PCDHGA1: variants seen among roughly 807,000 people sequenced by gnomAD.
The protein encoded by PCDHGA1 is protocadherin gamma subfamily A, 1.
In PCDHGA1, 32 loss-of-function variants were observed where a neutral mutation model predicts 58.0. That is an observed-to-expected ratio of 0.55 (90% CI 0.42 to 0.74). The LOEUF (loss-of-function observed/expected upper bound fraction) is 0.74, where lower values mean the gene tolerates loss of function less well. Among genes scored for constraint, PCDHGA1 ranks in the 30% least tolerant of loss-of-function variants. PCDHGA1 has a pLI of 0.00. For synonymous variants in PCDHGA1, 498 were observed against 501.1 expected, an observed-to-expected ratio of 0.99 and a Z score of 0.08; for missense variants, 1,205 against 1,182.3, an observed-to-expected ratio of 1.02 and a Z score of -0.28.
chr5:141,497,110 C>T (rs964183820), intron 2 of PCDHGA1, among the ~76,000 whole-genome samples: 2 of 151,738 alleles, frequency 1.3e-5, no homozygotes, highest in African/African-American at 2.4e-5. Context: ...TGCTTGAACC[C>T]GGAAGGCAGA....
chr5:141,467,781 C>T (rs2099151581), intron 1 of PCDHGA1, among the ~76,000 whole-genome samples: 1 of 152,228 alleles, frequency 6.6e-6, no homozygotes, highest in South Asian at 2.1e-4. Context: ...ACCTCAGCCT[C>T]TCAAGTAGCT....
chr5:141,444,152 A>AT (rs747671382), intron 1 of PCDHGA1, among the ~76,000 whole-genome samples: 1,130 of 33,890 alleles, frequency 0.033, 460 homozygotes, highest in Non-Finnish European at 0.038. Flanking sequence ...TGTGTACTGG[A>AT]TTTTTTTTTT....
intron 1 of PCDHGA1, chr5:141,351,073 T>C: frequency 6.2e-7 from 1 of 1,614,078 alleles, no homozygotes; most frequent in Admixed American, 1.7e-5. Context: ...AGGGCATTAA[T>C]GCAGAGATCA....
intron 1 of PCDHGA1, among the ~76,000 whole-genome samples, chr5:141,435,219 C>A (rs1226171884): frequency 6.6e-6 from 1 of 152,118 alleles, no homozygotes; most frequent in Non-Finnish European, 1.5e-5. Flanking sequence ...AATTTACTTT[C>A]TTTCAAAGTT....
At chr5:141,452,193 GT>G (rs1375451557) in intron 1 of PCDHGA1, among the ~76,000 whole-genome samples, 1 of 151,990 alleles carries the variant, frequency 6.6e-6, no homozygotes, top group Non-Finnish European at 1.5e-5. Context: ...ACCTCAAATT[GT>G]TTTAGATGTT....
chr5:141,504,752 A>G (rs1194764381), intron 2 of PCDHGA1, among the ~76,000 whole-genome samples: 23 of 151,894 alleles, frequency 1.5e-4, no homozygotes, highest in Non-Finnish European at 3.2e-4. Flanking sequence ...TGAATTTTAG[A>G]AATTTCTTCT....
chr5:141,347,980 G>A (rs1251130794), intron 1 of PCDHGA1, among the ~76,000 whole-genome samples: 1 of 152,184 alleles, frequency 6.6e-6, no homozygotes, highest in Admixed American at 6.5e-5. Context: ...TCAAAAACAT[G>A]TAAAGGAATA....
chr5:141,430,882 A>G, intron 1 of PCDHGA1: 3 of 1,601,068 alleles, frequency 1.9e-6, no homozygotes, highest in Non-Finnish European at 2.6e-6. Context: ...AGCTGGAGAA[A>G]GGCTCTAGGG....
chr5:141,385,588 A>G (rs1290476871), intron 1 of PCDHGA1: 11 of 1,258,860 alleles, frequency 8.7e-6, no homozygotes, highest in East Asian at 3.3e-5. Context: ...CTATGTTCCA[A>G]CCTACTTTCT....
At chr5:141,423,076 C>A in intron 1 of PCDHGA1, 1 of 1,614,128 alleles carries the variant, frequency 6.2e-7, no homozygotes, top group Non-Finnish European at 8.5e-7. Context: ...CGAGCCGGGA[C>A]TCTTCGCGGT....
At position 141,332,390 on chromosome 5, in the gene PCDHGA1, C is replaced by A. The variant is rs765966716; in HGVS notation, c.1706C>A (p.Thr569Lys). Residue 569 changes from threonine to lysine, a missense_variant, in exon 1 of 4, where the codon ACA becomes AAA. Thr to Lys is a moderately conservative substitution (Grantham distance 78). Coordinates refer to ENST00000517417, the MANE Select transcript of PCDHGA1 (RefSeq NM_018912.3). The surrounding 1 kb of genome is among the most constrained non-coding windows in gnomAD (Gnocchi z 4.6). ...GAGATCCTGTACCCCGCCCTCCCCA[C>A]AGATGGTTCTACCGGCGTGGAGCTG... ...APEILYPALP[T>K]DGSTGVELAP... The A allele has an allele frequency of 8.9e-5, 144 of 1,614,128 alleles. No individual in the cohort carries two copies. The highest frequency in any genetic ancestry group is 1.2e-4 in the Non-Finnish European group (137 of 1,180,058).
chr5:141,417,034 T>C (rs1408752235), intron 1 of PCDHGA1: 1 of 151,548 alleles, frequency 6.6e-6, no homozygotes, highest in Non-Finnish European at 1.5e-5. Context: ...ACAGGTTTTT[T>C]TTTTAAAAAA....
In PCDHGA1 at chr5:141,394,790, G is replaced by A. The variant is rs776824024; in HGVS notation, c.2421+61685G>A. The A allele has an allele frequency of 2.4e-5, 39 of 1,613,718 alleles. No homozygotes were observed. The African/African-American group carries it at 3.2e-4, about 13-fold the overall frequency. ...AGCCCCCTCTCTCCGCCACTGTCAC[G>A]CTCACCGTAGCCGTGGCTGACAGCA... On this transcript the variant is annotated intron_variant, in intron 1 of 3. Transcript: ENST00000517417.
Position 141,487,622 on chromosome 5 carries a change from C to A in PCDHGA1, c.2422-7185C>A. 1 of 1,614,174 alleles carries A rather than the reference C, an allele frequency of 6.2e-7. No homozygotes were observed. Among genetic ancestry groups the A allele is most frequent in the Non-Finnish European group, 8.5e-7 (1 of 1,180,030 alleles). ...TCTTCTCTATGGGCTAGAGGTGAGACCTTTGCAGGCTCAACAAATGCTTGA... is the reference window on the plus strand; with the variant it reads ...TCTTCTCTATGGGCTAGAGGTGAGAACTTTGCAGGCTCAACAAATGCTTGA... On this transcript the variant is annotated intron_variant, in intron 1 of 3. Transcript: ENST00000517417. The surrounding 1 kb of genome is among the most constrained non-coding windows in gnomAD (Gnocchi z 5.0).
chr5:141,344,131 A>G, intron 1 of PCDHGA1: 2 of 1,613,974 alleles, frequency 1.2e-6, no homozygotes, highest in Non-Finnish European at 1.7e-6. Flanking sequence ...CAGATCCGCT[A>G]CTCGGTGTCT....
intron 1 of PCDHGA1, among the ~76,000 whole-genome samples, chr5:141,438,396 A>T (rs1026490705): frequency 6.6e-6 from 1 of 150,930 alleles, no homozygotes. Context: ...TTCATCATTA[A>T]CTCTCTGAAG....
chr5:141,472,865 A>G (rs1329594490), intron 1 of PCDHGA1, among the ~76,000 whole-genome samples: 3 of 149,558 alleles, frequency 2.0e-5, no homozygotes, highest in Non-Finnish European at 4.5e-5. Flanking sequence ...ACATGCCTGT[A>G]TTCCCAGCTA....
At chr5:141,407,621 T>C (rs993791058) in intron 1 of PCDHGA1, among the ~76,000 whole-genome samples, 1 of 152,202 alleles carries the variant, frequency 6.6e-6, no homozygotes, top group African/African-American at 2.4e-5. Flanking sequence ...GTTGACATTC[T>C]ATATCTCGTA....
intron 1 of PCDHGA1, chr5:141,340,295 G>A (rs751254595): frequency 1.2e-6 from 2 of 1,614,014 alleles, no homozygotes; most frequent in Non-Finnish European, 1.7e-6. Context: ...TTTGCTCCAG[G>A]TGGCAGACAT....
Sources: gnomAD v4.1 joint callset for allele counts (sites outside exome capture counted in the v4.1 genomes callset) on GRCh38, gnomAD v4.1.1 for gene constraint, Gnocchi (gnomAD v3.1) non-coding constraint, MANE v1.5 for transcripts, NCBI Gene and HGNC (gene_info 2026-07-23, HGNC 2026-07-21) for gene names.